Variants in EPHA6 observed in about 807,000 individuals in gnomAD.
EPHA6 encodes the protein EPH receptor A6, also known as ephrin type-A receptor 6.
In EPHA6, 50 loss-of-function variants were observed where a neutral mutation model predicts 112.0. The ratio of observed to expected loss-of-function variants is 0.45; its 90% CI spans 0.36 to 0.56. EPHA6 has a LOEUF of 0.56. Ranked by LOEUF, EPHA6 falls within the 20% of genes least tolerant of loss-of-function variation. The pLI is 0.00. For missense variants in EPHA6, 1,280 were observed against 1,417.4 expected (o/e 0.90, Z 1.56); for synonymous variants, 529 against 490.7 (o/e 1.08, Z -1.03).
chr3:97,086,175 T>C (rs1196007250), intron 3 of EPHA6, among the ~76,000 whole-genome samples: 1 of 151,868 alleles, frequency 6.6e-6, no homozygotes, highest in Non-Finnish European at 1.5e-5. Context: ...CCTCAGGATG[T>C]CAATATAAAT....
intron 3 of EPHA6, among the ~76,000 whole-genome samples, chr3:97,056,141 G>A (rs991136777): frequency 2.0e-5 from 3 of 152,096 alleles, no homozygotes; most frequent in Non-Finnish European, 2.9e-5. Context: ...ATTAGAACAT[G>A]TTATTCATCT....
chr3:97,071,471 G>A (rs2046354612), intron 3 of EPHA6, among the ~76,000 whole-genome samples: 8 of 152,000 alleles, frequency 5.3e-5, no homozygotes, highest in Admixed American at 3.3e-4. Flanking sequence ...GGAGGCCTCA[G>A]AATCATGGCG....
chr3:97,265,088 G>C (rs1416602927), intron 5 of EPHA6, among the ~76,000 whole-genome samples: 2 of 152,156 alleles, frequency 1.3e-5, no homozygotes, highest in African/African-American at 2.4e-5. Context: ...TCATCCTGTC[G>C]TCTGCTTTGC....
chr3:97,449,123 G>A (rs528745753), intron 7 of EPHA6, among the ~76,000 whole-genome samples: 82 of 152,024 alleles, frequency 5.4e-4, no homozygotes, highest in African/African-American at 1.9e-3. Context: ...TAAAAATAGT[G>A]GTCAGGAGAT....
intron 11 of EPHA6, among the ~76,000 whole-genome samples, chr3:97,568,166 G>A (rs1257499088): frequency 2.0e-5 from 3 of 152,048 alleles, no homozygotes; most frequent in African/African-American, 4.8e-5. Context: ...TCTTAATAGC[G>A]AGAATGATTT....
chr3:97,753,196 T>C lies in EPHA6; in HGVS notation c.*4495T>C, dbSNP rs558267196. 6.6e-6 allele frequency among the ~76,000 whole-genome samples: 1 copy of C among 152,290 alleles called. No homozygotes were observed. The highest frequency in any genetic ancestry group is 1.9e-4 in the East Asian group (1 of 5,186). On this transcript the variant is annotated 3_prime_UTR_variant, in exon 18 of 18. Transcript: ENST00000389672. ...ACAAATATCTATGGAATATCTCCTA[T>C]ATGCACAAAATTTTACTACAAAGAT...
intron 6 of EPHA6, among the ~76,000 whole-genome samples, chr3:97,444,462 C>G (rs1560016084): frequency 6.6e-6 from 1 of 152,036 alleles, no homozygotes; most frequent in Non-Finnish European, 1.5e-5. Context: ...AATTGAATTG[C>G]TAGGTAGAAC....
At chr3:97,548,013 C>T (rs1306654157) in intron 11 of EPHA6, among the ~76,000 whole-genome samples, 1 of 152,184 alleles carries the variant, frequency 6.6e-6, no homozygotes, top group East Asian at 1.9e-4. Flanking sequence ...CCTTGTGCTT[C>T]CCGGGTGAGG....
At chr3:96,919,930 A>T (rs543505496) in intron 2 of EPHA6, among the ~76,000 whole-genome samples, 85 of 152,046 alleles carry the variant, frequency 5.6e-4, no homozygotes, top group Middle Eastern at 3.4e-3. Context: ...CAGTTATTTT[A>T]TTCAAATAAT....
At chr3:96,998,820 A>G (rs898102377) in intron 3 of EPHA6, among the ~76,000 whole-genome samples, 5 of 151,904 alleles carry the variant, frequency 3.3e-5, no homozygotes, top group Non-Finnish European at 5.9e-5. Flanking sequence ...TTTATTAAAT[A>G]TGTTTGTTGG....
intron 5 of EPHA6, among the ~76,000 whole-genome samples, chr3:97,264,339 G>C (rs920394619): frequency 6.6e-5 from 10 of 152,262 alleles, no homozygotes; most frequent in Admixed American, 2.0e-4. Context: ...CGCACAGTTG[G>C]ACATGCCAGC....
intron 3 of EPHA6, among the ~76,000 whole-genome samples, chr3:97,144,854 T>C: frequency 6.6e-6 from 1 of 151,572 alleles, no homozygotes; most frequent in Non-Finnish European, 1.5e-5. Context: ...GTTCTCATCT[T>C]GTCTTTGGTT....
intron 10 of EPHA6, among the ~76,000 whole-genome samples, chr3:97,521,151 C>T (rs149191347): frequency 6.6e-5 from 10 of 151,202 alleles, no homozygotes; most frequent in Non-Finnish European, 1.3e-4. Flanking sequence ...TATTGTATCT[C>T]ATTGAGCTTC....
chr3:97,516,906 C>T (rs2092456320), intron 10 of EPHA6, among the ~76,000 whole-genome samples: 1 of 152,082 alleles, frequency 6.6e-6, no homozygotes, highest in African/African-American at 2.4e-5. Context: ...TTTCCCCCCT[C>T]ATTCATTTAT....
chr3:97,376,767 C>A (rs2085387433), intron 5 of EPHA6, among the ~76,000 whole-genome samples: 1 of 152,032 alleles, frequency 6.6e-6, no homozygotes, highest in Non-Finnish European at 1.5e-5. Context: ...AGTAAGAGAA[C>A]AATGCTAAGA....
intron 3 of EPHA6, among the ~76,000 whole-genome samples, chr3:97,093,764 T>C (rs939041511): frequency 1.3e-5 from 2 of 152,136 alleles, no homozygotes; most frequent in African/African-American, 4.8e-5. Flanking sequence ...GGTGATGTAA[T>C]AGTTTTATTC....
chr3:97,144,312 A>G (rs1286575472), intron 3 of EPHA6, among the ~76,000 whole-genome samples: 1 of 151,662 alleles, frequency 6.6e-6, no homozygotes, highest in Non-Finnish European at 1.5e-5. Context: ...CTGTTAATAT[A>G]ATTTACACAT....
Position 97,748,840 on chromosome 3 carries a change from T to C in EPHA6, c.*139T>C. 1.6e-6 allele frequency: 1 copy of C among 619,602 alleles called. No homozygotes were observed. The highest frequency in any genetic ancestry group is 2.9e-6 in the Non-Finnish European group (1 of 342,146). The allele number at this position is 619,602 out of a possible 1,614,324, so 38.4% of individuals were successfully genotyped here. A position where few individuals can be genotyped will look rare whatever the true frequency, so the allele number is the denominator to read the frequency against. ...GTTCAGACTATAGGCACACACCTTA[T>C]GTTTATGCTTCCAACCAGGATTTTA... On this transcript the variant is annotated 3_prime_UTR_variant, in exon 18 of 18. Coordinates refer to ENST00000389672, the MANE Select transcript of EPHA6 (RefSeq NM_001080448.3).
intron 5 of EPHA6, among the ~76,000 whole-genome samples, chr3:97,349,241 A>AT (rs1440752013): frequency 6.6e-6 from 1 of 151,978 alleles, no homozygotes; most frequent in Non-Finnish European, 1.5e-5. Context: ...CTTTAGTCTT[A>AT]TTTTTTGATC....
Sources: allele counts gnomAD v4.1 joint callset (sites outside exome capture counted in the v4.1 genomes callset), GRCh38; gene constraint gnomAD v4.1.1; transcripts MANE v1.5; gene names NCBI Gene and HGNC (gene_info 2026-07-23, HGNC 2026-07-21).